Variants in CASS4 observed in about 807,000 individuals in gnomAD.
CASS4 encodes cas scaffolding protein family member 4.
A neutral mutation model predicts 54.2 loss-of-function variants in CASS4; 22 were observed. The ratio of observed to expected loss-of-function variants is 0.41; its 90% CI spans 0.29 to 0.58. CASS4 has a LOEUF of 0.58. CASS4 is among the 20% of genes least tolerant of loss of function. The pLI, the probability that CASS4 is intolerant of heterozygous loss-of-function variation, is 0.36. For missense variants in CASS4, 854 were observed against 986.7 expected (o/e 0.87, Z 1.80); for synonymous variants, 409 against 391.5 (o/e 1.04, Z -0.53).
intron 1 of CASS4, among the ~76,000 whole-genome samples, chr20:56,421,671 G>A (rs948289180): frequency 1.3e-5 from 2 of 152,128 alleles, no homozygotes; most frequent in Admixed American, 1.3e-4. Context: ...AGTCCAGCCT[G>A]GGTGACAAAG....
chr20:56,444,918 C>G, intron 2 of CASS4, among the ~76,000 whole-genome samples: 1 of 152,090 alleles, frequency 6.6e-6, no homozygotes, highest in Non-Finnish European at 1.5e-5. Flanking sequence ...CAAGACCAGC[C>G]CGACCAATAT....
At chr20:56,433,702 T>C (rs1161352404) in intron 1 of CASS4, among the ~76,000 whole-genome samples, 1 of 152,108 alleles carries the variant, frequency 6.6e-6, no homozygotes, top group Non-Finnish European at 1.5e-5. Context: ...GTAGCTCAGC[T>C]CTCTGCTTTT....
At position 56,458,279 on chromosome 20, in the gene CASS4, G is replaced by T. The variant is rs371632873; in HGVS notation, c.1954-61G>T. Reference sequence around the variant, plus strand: ...TGCAAATCTAGCCAAAACAGGAAAGGGCAGACAGCCACAGCCCATTGATTG... The same window carrying T: ...TGCAAATCTAGCCAAAACAGGAAAGTGCAGACAGCCACAGCCCATTGATTG... On this transcript the variant is annotated intron_variant, in intron 5 of 5. Coordinates refer to ENST00000679887, the MANE Select transcript of CASS4 (RefSeq NM_020356.4). 300 of 1,506,504 alleles carry T rather than the reference G, an allele frequency of 2.0e-4. 2 individuals are homozygous for T. Among genetic ancestry groups the T allele is most frequent in the Middle Eastern group, 7.1e-4 (4 of 5,668 alleles). 93.3% of individuals were successfully genotyped at this position (1,506,504 alleles called of 1,614,324 possible).
At chr20:56,446,920 A>T (rs1391884504) in intron 3 of CASS4, among the ~76,000 whole-genome samples, 1 of 152,168 alleles carries the variant, frequency 6.6e-6, no homozygotes, top group African/African-American at 2.4e-5. Context: ...GTAATAAGTC[A>T]CTTTTGGCCA....
chr20:56,458,460 G>A lies in CASS4; in HGVS notation c.2074G>A (p.Gly692Ser), dbSNP rs768196425. 11 of 1,614,004 alleles carry A rather than the reference G, an allele frequency of 6.8e-6. No individual in the cohort carries two copies. Among genetic ancestry groups the A allele is most frequent in the Middle Eastern group, 3.3e-4 (2 of 6,084 alleles). The change falls in exon 6 of 6, where the codon GGC becomes AGC. Residue 692 changes from glycine (G) to serine (S), a missense_variant. Physicochemically the swap from Gly to Ser is moderately conservative, Grantham distance 56. Transcript: ENST00000679887. ...CTTCAAAGCCATCAGCGCATTTCAC[G>A]GCAGCCTCAGCAGCAGCCAGCCCGC... ...ALFKAISAFH[G>S]SLSSSQPAEI...
At chr20:56,424,519 T>C (rs1232749279) in intron 1 of CASS4, among the ~76,000 whole-genome samples, 1 of 151,928 alleles carries the variant, frequency 6.6e-6, no homozygotes, top group Non-Finnish European at 1.5e-5. Flanking sequence ...GGCGGGTGGA[T>C]CATCTGAGGT....
intron 1 of CASS4, among the ~76,000 whole-genome samples, chr20:56,429,479 C>T (rs988104086): frequency 6.6e-6 from 1 of 152,126 alleles, no homozygotes; most frequent in East Asian, 1.9e-4. Flanking sequence ...TCCATGCACC[C>T]CATTTTCCAC....
At chr20:56,415,816 G>A (rs904146894) in intron 1 of CASS4, among the ~76,000 whole-genome samples, 12 of 152,178 alleles carry the variant, frequency 7.9e-5, no homozygotes, top group South Asian at 6.2e-4. Context: ...CAGTAGCTCC[G>A]TTGCCAGTAG....
rs534428950 is a variant in CASS4, at chr20:56,452,809, G to A, written c.1633G>A (p.Glu545Lys). 2 of 1,613,996 alleles carry A rather than the reference G, an allele frequency of 1.2e-6. No homozygotes were observed. The highest frequency in any genetic ancestry group is 2.7e-5 in the African/African-American group (2 of 74,956). Residue 545 changes from glutamate to lysine, a missense_variant, in exon 5 of 6, where the codon GAA becomes AAA. Coordinates refer to ENST00000679887, the MANE Select transcript of CASS4 (RefSeq NM_020356.4). The stretch of plus-strand genomic sequence containing the variant: ...CTTGGATAATCGCAATTGGCCTCTG[G>A]AAGTTCTTGTGACTGACAGTGTCCA... ...ESLDNRNWPL[E>K]VLVTDSVQNS...
At chr20:56,432,900 GC>G (rs1312475552) in intron 1 of CASS4, among the ~76,000 whole-genome samples, 1 of 152,108 alleles carries the variant, frequency 6.6e-6, no homozygotes, top group African/African-American at 2.4e-5. Context: ...GTGGGCAGGG[GC>G]GTCACAGAAA....
chr20:56,458,390 G>A lies in CASS4; in HGVS notation c.2004G>A (p.Arg668=). 4 of 1,614,076 alleles carry A rather than the reference G, an allele frequency of 2.5e-6. 1 individual carries two copies. Among genetic ancestry groups the A allele is most frequent in the Non-Finnish European group, 8.5e-7 (1 of 1,180,010 alleles). The change falls in exon 6 of 6, where the codon AGG becomes AGA. Residue 668 remains arginine, a synonymous_variant. Transcript: ENST00000679887. The part of the protein sequence containing the change: ...PQPSSQQTPE[R]KPRLSEHCRL... Reference sequence around the variant, plus strand: ...CTTCGAGTCAACAGACTCCTGAGAGGAAACCCCGCTTATCTGAACACTGCC... The same window carrying A: ...CTTCGAGTCAACAGACTCCTGAGAGAAAACCCCGCTTATCTGAACACTGCC...
rs1199031687 is a variant in CASS4, at chr20:56,460,283, G to T, written c.*1536G>T. The T allele has an allele frequency of 6.6e-6, 1 of 151,942 alleles. No individual in the cohort carries two copies. Among genetic ancestry groups the T allele is most frequent in the Non-Finnish European group, 1.5e-5 (1 of 67,868 alleles). The allele number at this position is 151,942 out of a possible 1,614,324, so 9.4% of individuals were successfully genotyped here. A position where few individuals can be genotyped will look rare whatever the true frequency, so the allele number is the denominator to read the frequency against. ...AATCTGTTACAATTTATATTGGTTG[G>T]TGCAAAAGTAATTGCGGTTTTTGCC... is the stretch of plus-strand genomic sequence containing the variant. On this transcript the variant is annotated 3_prime_UTR_variant, in exon 6 of 6. Transcript: ENST00000679887.
intron 1 of CASS4, among the ~76,000 whole-genome samples, chr20:56,435,675 G>A (rs940028524): frequency 6.6e-6 from 1 of 152,156 alleles, no homozygotes; most frequent in Non-Finnish European, 1.5e-5. Context: ...TAGGAGACTG[G>A]GTTTGATCCT....
At chr20:56,451,721 A>G in intron 4 of CASS4, 98 bp from the exon 5 acceptor site, 1 of 860,128 alleles carries the variant, frequency 1.2e-6, no homozygotes, top group Non-Finnish European at 1.8e-6. Context: ...ATGGGGAGCC[A>G]CTGAAGGAGC....
intron 2 of CASS4, among the ~76,000 whole-genome samples, chr20:56,445,581 G>GC (rs1208510166): frequency 6.6e-6 from 1 of 152,152 alleles, no homozygotes; most frequent in Non-Finnish European, 1.5e-5. Flanking sequence ...CAGGTTCCCG[G>GC]CCCCCCTCGA....
Position 56,452,059 on chromosome 20 carries a change from A to T in CASS4, c.883A>T (p.Asn295Tyr), listed in dbSNP as rs376819122. The change falls in exon 5 of 6, where the codon AAT becomes TAT. Residue 295 changes from asparagine to tyrosine, a missense_variant. By Grantham distance (143) the Asn-to-Tyr change is moderately radical. Transcript: ENST00000679887. The stretch of plus-strand genomic sequence containing the variant: ...ATCCAGGTCCCTCACTCCACAACTG[A>T]ATAACAATGTGCCCATGCAGAAAAA... ...GRSRSLTPQL[N>Y]NNVPMQKKLS... 11 of 1,614,082 alleles carry T rather than the reference A, an allele frequency of 6.8e-6. No individual in the cohort carries two copies. In the African/African-American group the frequency reaches 1.5e-4, roughly 22 times the overall value.
At chr20:56,455,220 T>C (rs1408700490) in intron 5 of CASS4, among the ~76,000 whole-genome samples, 1 of 152,212 alleles carries the variant, frequency 6.6e-6, no homozygotes, top group Non-Finnish European at 1.5e-5. Flanking sequence ...GTTTTCCATT[T>C]ACCATTTTTC....
At chr20:56,446,588 AG>A (rs1980723949) in intron 3 of CASS4, among the ~76,000 whole-genome samples, 1 of 152,162 alleles carries the variant, frequency 6.6e-6, no homozygotes, top group Non-Finnish European at 1.5e-5. Flanking sequence ...CACATTTGTA[AG>A]ACATGCTTCA....
At chr20:56,421,052 G>A (rs1386560245) in intron 1 of CASS4, among the ~76,000 whole-genome samples, 1 of 152,128 alleles carries the variant, frequency 6.6e-6, no homozygotes, top group Non-Finnish European at 1.5e-5. Context: ...ATAGAAAGAT[G>A]GAAAAGTTTG....
Sources: gnomAD v4.1 joint callset for allele counts (sites outside exome capture counted in the v4.1 genomes callset) on GRCh38, gnomAD v4.1.1 for gene constraint, MANE v1.5 for transcripts, NCBI Gene and HGNC (gene_info 2026-07-23, HGNC 2026-07-21) for gene names.